Variants in ASIP observed in about 807,000 individuals in gnomAD.
ASIP encodes agouti-signaling protein.
Under a neutral mutation model 10.3 loss-of-function variants are expected in ASIP, and 11 were observed. The ratio of observed to expected loss-of-function variants is 1.07; its 90% CI spans 0.68 to 1.78. The LOEUF is 1.78. ASIP is among the 40% of genes most tolerant of loss of function. The probability of loss-of-function intolerance (pLI) is 0.00; values close to 1 mark genes in which losing one functional copy is unlikely to be tolerated. For synonymous variants in ASIP, 70 were observed against 70.8 expected (o/e 0.99, Z 0.06); for missense variants, 180 against 169.2 (o/e 1.06, Z -0.35).
chr20:34,187,389 G>C, the ASIP span, among the ~76,000 whole-genome samples: 1 of 152,064 alleles, frequency 6.6e-6, no homozygotes, highest in African/African-American at 2.4e-5. Context: ...TTTTCCTTTG[G>C]CCTCTAAAGT....
chr20:34,209,635 A>G (rs988648066), intron 1 of ASIP, among the ~76,000 whole-genome samples: 5 of 151,986 alleles, frequency 3.3e-5, no homozygotes, highest in Non-Finnish European at 7.4e-5. Flanking sequence ...CACTGTCACA[A>G]CCCAGCCGTG....
intron 1 of ASIP, among the ~76,000 whole-genome samples, chr20:34,256,467 A>AT (rs1329559343): frequency 2.0e-5 from 3 of 152,146 alleles, no homozygotes; most frequent in Non-Finnish European, 2.9e-5. Context: ...CACCCGGCTA[A>AT]TTTTTTAAAA....
intron 1 of ASIP, among the ~76,000 whole-genome samples, chr20:34,253,441 AT>A (rs1362093620): frequency 3.6e-5 from 4 of 112,060 alleles, no homozygotes; most frequent in African/African-American, 1.6e-4. Context: ...TCTTATTTTT[AT>A]TTTATTTTAT....
chr20:34,236,886 G>A (rs754235912), upstream of ASIP, among the ~76,000 whole-genome samples: 42 of 152,022 alleles, frequency 2.8e-4, no homozygotes, highest in Non-Finnish European at 4.9e-4. Flanking sequence ...TTTTGTATAT[G>A]GTGTTAGGTA....
chr20:34,261,841 G>A (rs950142888), intron 2 of ASIP, among the ~76,000 whole-genome samples: 2 of 152,028 alleles, frequency 1.3e-5, no homozygotes, highest in African/African-American at 2.4e-5. Context: ...GGCCAGGCGC[G>A]GTGGCTCACA....
At chr20:34,205,157 C>T (rs113746875) in intron 1 of ASIP, among the ~76,000 whole-genome samples, 3,018 of 152,254 alleles carry the variant, frequency 0.02, 105 homozygotes, top group African/African-American at 0.068. Flanking sequence ...ATGGTGTGTC[C>T]GGAGTTTGTT....
In ASIP at chr20:34,258,700, A is replaced by ATATATATATACACACACATAC. The variant is rs1555826880; in HGVS notation, c.-10-1656_-10-1655insACACACACATACTATATATAT. Among the ~76,000 whole-genome samples the ATATATATATACACACACATAC allele has an allele frequency of 7.7e-5, 6 of 77,922 alleles. 2 individuals are homozygous for ATATATATATACACACACATAC. Among genetic ancestry groups the ATATATATATACACACACATAC allele is most frequent in the African/African-American group, 2.3e-4 (5 of 21,532 alleles). The allele number at this position is 77,922 out of a possible 152,430, so 51.1% of individuals were successfully genotyped here. ...ATATATATATATATATACATACTATATATATATATTATATATATTATAAAA... is the reference window on the plus strand; with the variant it reads ...ATATATATATATATATACATACTATATATATATATACACACACATACTATATATATTATATATATTATAAAA... On this transcript the variant is annotated intron_variant, in intron 1 of 3. Coordinates refer to ENST00000374954, the MANE Select transcript of ASIP (RefSeq NM_001672.3).
chr20:34,250,569 G>A (rs1229658284), intron 1 of ASIP, among the ~76,000 whole-genome samples: 2 of 151,990 alleles, frequency 1.3e-5, no homozygotes, highest in African/African-American at 4.8e-5. Context: ...AGGCTGAGGC[G>A]GGCGGATCAC....
At chr20:34,245,065 G>C (rs1035687423) in intron 1 of ASIP, among the ~76,000 whole-genome samples, 4 of 152,246 alleles carry the variant, frequency 2.6e-5, no homozygotes, top group Admixed American at 2.0e-4. Context: ...GCCGGGCACA[G>C]TGGCTCATGC....
intron 3 of ASIP, among the ~76,000 whole-genome samples, chr20:34,265,278 T>C (rs2035764699): frequency 6.6e-6 from 1 of 152,122 alleles, no homozygotes; most frequent in Admixed American, 6.6e-5. Context: ...ATCCCAGCAC[T>C]TTGGGAGGTT....
chr20:34,252,131 C>T (rs1466792548), intron 1 of ASIP, among the ~76,000 whole-genome samples: 4 of 152,182 alleles, frequency 2.6e-5, no homozygotes, highest in East Asian at 1.9e-4. Flanking sequence ...CCTGCCCCTC[C>T]ACACCTGTGG....
At chr20:34,219,285 G>A (rs984130557) in intron 1 of ASIP, among the ~76,000 whole-genome samples, 7 of 152,152 alleles carry the variant, frequency 4.6e-5, no homozygotes, top group Non-Finnish European at 8.8e-5. Context: ...TAACTTTTGT[G>A]GATGCTTGTT....
rs1299038344 is a variant in ASIP at position 34,213,556 on chromosome 20, T to C, written c.-11+18796T>C. The C allele has an allele frequency of 2.6e-6, 4 of 1,536,952 alleles. No homozygotes were observed. The Admixed American group carries it at 5.6e-5, about 22-fold the overall frequency. On this transcript the variant is annotated intron_variant, in intron 1 of 3. Coordinates refer to the ASIP transcript ENST00000568305. Reference sequence around the variant, plus strand: ...CCAGAGTAGCACTTCAAAAATTGCATGAAGCAGGGGCATGAACATCTGTTG... The same window carrying C: ...CCAGAGTAGCACTTCAAAAATTGCACGAAGCAGGGGCATGAACATCTGTTG...
At chr20:34,251,614 C>T (rs569466161) in intron 1 of ASIP, among the ~76,000 whole-genome samples, 38 of 152,280 alleles carry the variant, frequency 2.5e-4, no homozygotes, top group African/African-American at 8.7e-4. Context: ...GGCACAATGA[C>T]AGGGAGGCAA....
At chr20:34,232,488 A>G (rs1422736957) in intron 1 of ASIP, among the ~76,000 whole-genome samples, 1 of 152,170 alleles carries the variant, frequency 6.6e-6, no homozygotes, top group Admixed American at 6.6e-5. Flanking sequence ...GACCACTGTC[A>G]ATAAATCCCC....
intron 1 of ASIP, among the ~76,000 whole-genome samples, chr20:34,243,249 G>A (rs2035311155): frequency 6.6e-6 from 1 of 152,154 alleles, no homozygotes; most frequent in Non-Finnish European, 1.5e-5. Flanking sequence ...CAGGCAGTCT[G>A]GGCCTGCCAT....
intron 1 of ASIP, among the ~76,000 whole-genome samples, chr20:34,208,563 C>T (rs982738889): frequency 2.0e-5 from 3 of 152,084 alleles, no homozygotes; most frequent in Non-Finnish European, 4.4e-5. Flanking sequence ...CTGTGTGCCT[C>T]GGTTGACTCA....
intron 1 of ASIP, chr20:34,215,022 T>G: frequency 6.9e-7 from 1 of 1,457,260 alleles, no homozygotes; most frequent in Non-Finnish European, 9.6e-7. Context: ...TCCTGGTCAA[T>G]GCTGAAAAGA....
At chr20:34,261,534 T>C (rs748869167) in intron 2 of ASIP, among the ~76,000 whole-genome samples, 8 of 152,190 alleles carry the variant, frequency 5.3e-5, no homozygotes, top group Non-Finnish European at 1.0e-4. Context: ...CTTGGGAGGC[T>C]GAGGCAGGAG....
Sources: gnomAD v4.1 joint callset for allele counts (sites outside exome capture counted in the v4.1 genomes callset) on GRCh38, gnomAD v4.1.1 for gene constraint, MANE v1.5 for transcripts, NCBI Gene and HGNC (gene_info 2026-07-23, HGNC 2026-07-21) for gene names.